Variants in NRG2 observed in about 807,000 individuals in gnomAD.
NRG2 encodes the protein pro-neuregulin-2, membrane-bound isoform.
Under a neutral mutation model 73.9 loss-of-function variants are expected in NRG2, and 27 were observed. That is an observed-to-expected ratio of 0.37 (90% confidence interval 0.27 to 0.50). The LOEUF (loss-of-function observed/expected upper bound fraction) is 0.50. Ranked by LOEUF, NRG2 falls within the 20% of genes least tolerant of loss-of-function variation. The pLI is 0.96. For synonymous variants in NRG2, 532 were observed against 541.0 expected, an observed-to-expected ratio of 0.98 and a Z score of 0.23; for missense variants, 1,126 against 1,210.1, an observed-to-expected ratio of 0.93 and a Z score of 1.03.
chr5:139,968,608 G>T (rs1235587546), intron 1 of NRG2, among the ~76,000 whole-genome samples: 1 of 152,248 alleles, frequency 6.6e-6, no homozygotes, highest in Non-Finnish European at 1.5e-5. Flanking sequence ...CAGAGGGGTA[G>T]CTCCTGAGCG....
chr5:140,042,842 G>T lies in NRG2; in HGVS notation c.228C>A (p.Pro76=). 2 of 1,477,552 alleles carry T rather than the reference G, an allele frequency of 1.4e-6. No individual in the cohort carries two copies. Among genetic ancestry groups the T allele is most frequent in the South Asian group, 1.3e-5 (1 of 76,030 alleles). 91.5% of individuals were successfully genotyped at this position (1,477,552 alleles called of 1,614,324 possible). A position where few individuals can be genotyped will look rare whatever the true frequency, so the allele number is the denominator to read the frequency against. The change falls in exon 1 of 10, where the codon CCC becomes CCA. Residue 76 remains proline (P), a synonymous_variant. Coordinates refer to ENST00000361474, the MANE Select transcript of NRG2 (RefSeq NM_004883.3). ...RPQQQPQPRS[P]AARRAAARSR... The stretch of plus-strand genomic sequence containing the variant: ...AACGGGCGGCGGCTCTCCGGGCTGC[G>T]GGGCTGCGGGGCTGCGGCTGTTGCT...
chr5:139,938,918 AAAGAAAGAAAGAAAG>A (rs1753110445), intron 1 of NRG2, among the ~76,000 whole-genome samples: 1 of 126,908 alleles, frequency 7.9e-6, no homozygotes, highest in African/African-American at 3.0e-5. Flanking sequence ...AGAAAGAAAG[AAAGAAAGAAAGAAAG>A]AAAGAAAGAA....
At chr5:139,891,250 A>T (rs1764195813) in intron 1 of NRG2, among the ~76,000 whole-genome samples, 1 of 152,174 alleles carries the variant, frequency 6.6e-6, no homozygotes, top group Admixed American at 6.5e-5. Context: ...GGTGATGGTG[A>T]TGGGCTAGGG....
chr5:139,965,243 G>A (rs538344678), intron 1 of NRG2, among the ~76,000 whole-genome samples: 2 of 152,326 alleles, frequency 1.3e-5, no homozygotes, highest in South Asian at 4.1e-4. Context: ...TGGGGGAGAT[G>A]GGTGGAGCCA....
intron 1 of NRG2, among the ~76,000 whole-genome samples, chr5:139,909,162 A>G (rs1309764954): frequency 2.0e-5 from 3 of 152,288 alleles, no homozygotes; most frequent in Non-Finnish European, 4.4e-5. Flanking sequence ...TTTAAGAAGA[A>G]AAAACACAAT....
At chr5:139,941,758 T>C (rs185952544) in intron 1 of NRG2, among the ~76,000 whole-genome samples, 114 of 152,314 alleles carry the variant, frequency 7.5e-4, no homozygotes, top group Middle Eastern at 3.4e-3. Context: ...GCATCAACAT[T>C]GGAATAAAAC....
chr5:139,865,048 C>T lies in NRG2; in HGVS notation c.1189+501G>A, dbSNP rs767249916. The stretch of plus-strand genomic sequence containing the variant: ...TCCCCCTAGTCTTGCTAAGCAAGGC[C>T]CCATCCCTCCCCAGGGGGAGACTGT... On this transcript the variant is annotated intron_variant, in intron 5 of 9. Coordinates refer to ENST00000361474, the MANE Select transcript of NRG2 (RefSeq NM_004883.3). This position sits in a 1 kb window ranked among gnomAD's most constrained non-coding sequence, Gnocchi z 5.2. 2 of 1,363,572 alleles carry T rather than the reference C, an allele frequency of 1.5e-6. No homozygotes were observed. The highest frequency in any genetic ancestry group is 1.2e-5 in the South Asian group (1 of 85,750). 84.5% of individuals were successfully genotyped at this position (1,363,572 alleles called of 1,614,324 possible). A position where few individuals can be genotyped will look rare whatever the true frequency, so the allele number is the denominator to read the frequency against.
chr5:139,973,733 C>T (rs1378672584), intron 1 of NRG2, among the ~76,000 whole-genome samples: 1 of 152,050 alleles, frequency 6.6e-6, no homozygotes, highest in Non-Finnish European at 1.5e-5. Flanking sequence ...TTCTGGAAGC[C>T]AAAAGTTCAA....
chr5:139,895,509 G>A (rs114635218), intron 1 of NRG2, among the ~76,000 whole-genome samples: 3,293 of 152,322 alleles, frequency 0.022, 122 homozygotes, highest in African/African-American at 0.074. Context: ...AGACACCTAG[G>A]GCTGGCACGG....
At chr5:139,864,945 G>A (rs1274740085) in intron 5 of NRG2, 1 of 704,700 alleles carries the variant, frequency 1.4e-6, no homozygotes, top group East Asian at 2.7e-5. Context: ...GTGCCCAGGA[G>A]GTACAGCCCA....
Position 140,043,077 on chromosome 5 carries a change from G to A in NRG2, c.-8C>T. Reference sequence around the variant, plus strand: ...GCAGCAAACCTGCCGCATCTGGCCAGGCCATTTGGGGGGCTCCGCCGCTCA... The same window carrying A: ...GCAGCAAACCTGCCGCATCTGGCCAAGCCATTTGGGGGGCTCCGCCGCTCA... On this transcript the variant is annotated 5_prime_UTR_variant, in exon 1 of 10. Transcript: ENST00000361474. This position sits in a 1 kb window ranked among gnomAD's most constrained non-coding sequence, Gnocchi z 6.7. 6.4e-7 allele frequency: 1 copy of A among 1,570,002 alleles called. No individual in the cohort carries two copies. The highest frequency in any genetic ancestry group is 8.6e-7 in the Non-Finnish European group (1 of 1,166,964).
chr5:140,042,567 G>T lies in NRG2; in HGVS notation c.503C>A (p.Pro168Gln). The T allele has an allele frequency of 6.2e-7, 1 of 1,611,892 alleles. No individual in the cohort carries two copies. ...VALVKVLDKW[P>Q]LRSGGLQREQ... The stretch of plus-strand genomic sequence containing the variant: ...GCGCTGCAGCCCCCCGCTCCGGAGC[G>T]GCCACTTGTCCAGCACCTTTACCAA... Residue 168 changes from proline to glutamine, a missense_variant, in exon 1 of 10, where the codon CCG (proline) becomes CAG (glutamine). By Grantham distance (76) the Pro-to-Gln change is moderately conservative. Transcript: ENST00000361474.
Position 139,869,372 on chromosome 5 carries a change from A to G in NRG2, c.1112+2349T>C, listed in dbSNP as rs1762689776. The stretch of plus-strand genomic sequence containing the variant: ...AAATCAAAATAAAAAGTAAACAAAC[A>G]GCACAAATGGTAAGACGTGAGTTCC... On this transcript the variant is annotated intron_variant, in intron 4 of 9. Coordinates refer to ENST00000361474, the MANE Select transcript of NRG2 (RefSeq NM_004883.3). The surrounding 1 kb of genome is among the most constrained non-coding windows in gnomAD (Gnocchi z 4.5). The G allele has an allele frequency of 6.6e-6, 1 of 152,248 alleles. No homozygotes were observed. The highest frequency in any genetic ancestry group is 2.4e-5 in the African/African-American group (1 of 41,456). 9.4% of individuals were successfully genotyped at this position (152,248 alleles called of 1,614,324 possible). A position where few individuals can be genotyped will look rare whatever the true frequency, so the allele number is the denominator to read the frequency against.
At chr5:139,933,274 C>CA (rs953055856) in intron 1 of NRG2, among the ~76,000 whole-genome samples, 41 of 136,396 alleles carry the variant, frequency 3.0e-4, no homozygotes, top group South Asian at 9.3e-4. Context: ...GACTCCGTCT[C>CA]AAAAAAAAAA....
chr5:139,904,510 A>C lies in NRG2; in HGVS notation c.701-16999T>G. ...CGGCGCCTTTCTTATAGGCGGTCAC[A>C]CCCTCCGGGGGAGGGGAGCAGCGAG... On this transcript the variant is annotated intron_variant, in intron 1 of 9. Transcript: ENST00000361474. This position sits in a 1 kb window ranked among gnomAD's most constrained non-coding sequence, Gnocchi z 6.0. 1 of 556,088 alleles carries C rather than the reference A, an allele frequency of 1.8e-6. No homozygotes were observed. Among genetic ancestry groups the C allele is most frequent in the Non-Finnish European group, 3.1e-6 (1 of 323,048 alleles). The allele number at this position is 556,088 out of a possible 1,614,324, so 34.4% of individuals were successfully genotyped here.
chr5:139,950,360 C>T (rs1023150072), intron 1 of NRG2, among the ~76,000 whole-genome samples: 1 of 152,240 alleles, frequency 6.6e-6, no homozygotes, highest in Non-Finnish European at 1.5e-5. Context: ...AGTTCCCTCA[C>T]ACCCAGGAGT....
chr5:139,934,806 G>A (rs1752723822), intron 1 of NRG2, among the ~76,000 whole-genome samples: 1 of 152,214 alleles, frequency 6.6e-6, no homozygotes, highest in Non-Finnish European at 1.5e-5. Context: ...ATATGTCAGA[G>A]CAAATCTTAC....
chr5:139,975,701 A>G (rs1294740458), intron 1 of NRG2, among the ~76,000 whole-genome samples: 1 of 152,178 alleles, frequency 6.6e-6, no homozygotes, highest in Non-Finnish European at 1.5e-5. Flanking sequence ...CCAAGGCCAC[A>G]GGCTTCCTTT....
chr5:139,901,205 T>C (rs1764869425), intron 1 of NRG2, among the ~76,000 whole-genome samples: 1 of 152,224 alleles, frequency 6.6e-6, no homozygotes, highest in Non-Finnish European at 1.5e-5. Context: ...GCCAAATGCC[T>C]GGGACCTGGG....
Sources: gnomAD v4.1 joint callset for allele counts (sites outside exome capture counted in the v4.1 genomes callset) on GRCh38, gnomAD v4.1.1 for gene constraint, Gnocchi (gnomAD v3.1) non-coding constraint, MANE v1.5 for transcripts, NCBI Gene and HGNC (gene_info 2026-07-23, HGNC 2026-07-21) for gene names.